The following SMG1 variants were observed in gnomAD, a reference collection of about 807,000 sequenced individuals.
The protein encoded by SMG1 is serine/threonine-protein kinase SMG1.
A neutral mutation model predicts 419.9 loss-of-function variants in SMG1; 22 were observed. The observed-to-expected ratio is 0.05, with a 90% CI of 0.04 to 0.07. The LOEUF is 0.07. SMG1 is among the 10% of genes least tolerant of loss of function. The probability of loss-of-function intolerance (pLI) is 1.00; values close to 1 mark genes in which losing one functional copy is unlikely to be tolerated. For missense variants in SMG1, 3,185 were observed against 4,342.0 expected, an observed-to-expected ratio of 0.73 and a Z score of 7.49; for synonymous variants, 1,538 against 1,553.5, an observed-to-expected ratio of 0.99 and a Z score of 0.23.
At chr16:18,902,870 C>T (rs2037403795) in intron 1 of SMG1, among the ~76,000 whole-genome samples, 1 of 152,134 alleles carries the variant, frequency 6.6e-6, no homozygotes, top group Non-Finnish European at 1.5e-5. Context: ...GAAACAGGGT[C>T]TCACCCTGTC....
At chr16:18,907,645 C>T (rs908953660) in intron 1 of SMG1, among the ~76,000 whole-genome samples, 77 of 152,008 alleles carry the variant, frequency 5.1e-4, no homozygotes, top group African/African-American at 1.7e-3. Flanking sequence ...GTCAGGAGTT[C>T]GAGACCAGCC....
intron 1 of SMG1, among the ~76,000 whole-genome samples, chr16:18,910,226 C>T (rs2037738358): frequency 6.8e-6 from 1 of 147,986 alleles, no homozygotes; most frequent in African/African-American, 2.5e-5. Context: ...GCCACCATGC[C>T]CAGCTATTTT....
At chr16:18,817,716 T>C (rs900888614) in intron 56 of SMG1, among the ~76,000 whole-genome samples, 3 of 152,216 alleles carry the variant, frequency 2.0e-5, no homozygotes, top group African/African-American at 7.2e-5. Context: ...ATTTATCTTC[T>C]ACATTACTGT....
intron 1 of SMG1, among the ~76,000 whole-genome samples, chr16:18,919,657 T>TATACACAC (rs1273813622): frequency 1.6e-5 from 2 of 125,748 alleles, no homozygotes; most frequent in Non-Finnish European, 3.3e-5. Flanking sequence ...TGTGTATATA[T>TATACACAC]ACACACACAC....
chr16:18,868,136 A>G (rs2035622238), intron 22 of SMG1, 54 bp downstream of exon 22: 9 of 1,458,054 alleles, frequency 6.2e-6, no homozygotes, highest in Non-Finnish European at 7.5e-6. Flanking sequence ...AAGGAATTAA[A>G]CCATGCTTTT....
At chr16:18,908,229 G>A (rs1469504992) in intron 1 of SMG1, among the ~76,000 whole-genome samples, 2 of 151,842 alleles carry the variant, frequency 1.3e-5, no homozygotes, top group African/African-American at 4.8e-5. Context: ...TTAGGCAGGC[G>A]TGGTGGTGCA....
At chr16:18,818,046 T>C (rs1216654642) in intron 56 of SMG1, among the ~76,000 whole-genome samples, 1 of 150,034 alleles carries the variant, frequency 6.7e-6, no homozygotes, top group Admixed American at 6.7e-5. Flanking sequence ...GTCTCCCAGC[T>C]GGGACCAGAG....
At chr16:18,860,427 A>T (rs373175798) in intron 26 of SMG1, among the ~76,000 whole-genome samples, 1 of 152,078 alleles carries the variant, frequency 6.6e-6, no homozygotes, top group Non-Finnish European at 1.5e-5. Context: ...TATCAAACAA[A>T]ATGGCTAGAT....
intron 55 of SMG1, among the ~76,000 whole-genome samples, chr16:18,827,498 A>AT (rs371741265): frequency 4.8e-5 from 6 of 126,264 alleles, no homozygotes; most frequent in East Asian, 2.0e-4. Flanking sequence ...TAAATATACC[A>AT]AAATATATAT....
At chr16:18,908,435 C>A (rs2141943700) in intron 1 of SMG1, among the ~76,000 whole-genome samples, 1 of 143,962 alleles carries the variant, frequency 6.9e-6, no homozygotes, top group African/African-American at 2.6e-5. Context: ...TTACATTGCA[C>A]CACTGCACTC....
intron 22 of SMG1, among the ~76,000 whole-genome samples, 162 bp from the exon 23 acceptor site, chr16:18,866,937 A>AT (rs2035543992): frequency 6.6e-6 from 1 of 152,200 alleles, no homozygotes; most frequent in Non-Finnish European, 1.5e-5. Context: ...AAAATGTTAC[A>AT]TATAAAATAG....
rs2038389546 is a variant in SMG1 at position 18,925,993 on chromosome 16, C to T, written c.49G>A (p.Gly17Ser). 1 of 1,574,982 alleles carries T rather than the reference C, an allele frequency of 6.3e-7. No individual in the cohort carries two copies. The highest frequency in any genetic ancestry group is 8.6e-7 in the Non-Finnish European group (1 of 1,167,012). ...CAGCTCCGCGGATACTTGGTGCCGC[C>T]GCCGCCGCCGCCGCTGCTCAGCCGA... ...GSRLSSGGGGGGTKYPRSWND... is the reference protein window; with the variant it reads ...GSRLSSGGGGSGTKYPRSWND... The change falls in exon 1 of 63, where the codon GGC becomes AGC. Residue 17 changes from glycine to serine, a missense_variant. By Grantham distance (56) the Gly-to-Ser change is moderately conservative. This residue lies in a region of SMG1 where 88 missense variants were observed against 85.9 expected (regional missense o/e 1.02). Transcript: ENST00000446231.
chr16:18,860,256 G>A (rs2035145737), intron 26 of SMG1, among the ~76,000 whole-genome samples: 1 of 152,136 alleles, frequency 6.6e-6, no homozygotes, highest in South Asian at 2.1e-4. Context: ...TACTATTTAA[G>A]GGGACAAATC....
intron 13 of SMG1, among the ~76,000 whole-genome samples, chr16:18,874,222 T>TC (rs2035980959): frequency 6.6e-6 from 1 of 152,064 alleles, no homozygotes; most frequent in Non-Finnish European, 1.5e-5. Flanking sequence ...CACTGCAACC[T>TC]CCACTTCCTG....
Position 18,852,459 on chromosome 16 carries a change from T to C in SMG1, c.4772A>G (p.His1591Arg). 2 of 1,557,882 alleles carry C rather than the reference T, an allele frequency of 1.3e-6. No individual in the cohort carries two copies. The highest frequency in any genetic ancestry group is 1.7e-6 in the Non-Finnish European group (2 of 1,151,838). ...GAAGTCAGGTTCTCCAACTCCAATA[T>C]GCACTGCCAAAATGGACAAAAAAAT... ...YPRIESESTV[H>R]IGVGEPDFIL... is the part of the protein sequence containing the mutation. The change falls in exon 32 of 63, where the codon CAT becomes CGT. Residue 1591 changes from histidine to arginine, a missense_variant. Physicochemically the swap from His to Arg is conservative, Grantham distance 29. Coordinates refer to ENST00000446231, the MANE Select transcript of SMG1 (RefSeq NM_015092.5).
chr16:18,880,712 A>AG (rs1284372343), intron 10 of SMG1, among the ~76,000 whole-genome samples: 15 of 91,072 alleles, frequency 1.6e-4, no homozygotes, highest in African/African-American at 7.7e-4. Context: ...CCATGTCTCC[A>AG]AAAAAAAAAG....
chr16:18,900,950 C>T (rs1221799128), intron 1 of SMG1, among the ~76,000 whole-genome samples: 1 of 152,110 alleles, frequency 6.6e-6, no homozygotes, highest in Non-Finnish European at 1.5e-5. Flanking sequence ...AACCCTGGGC[C>T]TTGTATCATT....
chr16:18,922,770 GC>G (rs972763818), intron 1 of SMG1, among the ~76,000 whole-genome samples: 2 of 151,968 alleles, frequency 1.3e-5, no homozygotes, highest in Non-Finnish European at 2.9e-5. Flanking sequence ...GTGAGCCACT[GC>G]CCCCGGCCTG....
chr16:18,819,680 G>A, intron 55 of SMG1, 26 bp from the exon 56 acceptor site: 1 of 1,515,206 alleles, frequency 6.6e-7, no homozygotes, highest in South Asian at 1.3e-5. Context: ...GAATCTTGGT[G>A]AAGGTATATG....
Sources: allele counts gnomAD v4.1 joint callset (sites outside exome capture counted in the v4.1 genomes callset), GRCh38; gene constraint gnomAD v4.1.1; regional missense constraint gnomAD v4.1.1; transcripts MANE v1.5; gene names NCBI Gene and HGNC (gene_info 2026-07-23, HGNC 2026-07-21).